The following SOX6 variants were observed in gnomAD, a reference collection of about 807,000 sequenced individuals.
SOX6 encodes the protein SRY-box transcription factor 6, also known as transcription factor SOX-6.
SOX6 carries 11 observed loss-of-function variants against 97.8 expected under a neutral mutation model. That is an observed-to-expected ratio of 0.11 (90% CI 0.07 to 0.19). The LOEUF (loss-of-function observed/expected upper bound fraction) is 0.19. SOX6 is among the 10% of genes least tolerant of loss of function. The probability of loss-of-function intolerance (pLI) is 1.00; values close to 1 mark genes in which losing one functional copy is unlikely to be tolerated. For synonymous variants in SOX6, 360 were observed against 371.4 expected, an observed-to-expected ratio of 0.97 and a Z score of 0.35; for missense variants, 810 against 1,039.5, an observed-to-expected ratio of 0.78 and a Z score of 3.04.
intron 1 of SOX6, among the ~76,000 whole-genome samples, chr11:16,380,927 G>A (rs573600760): frequency 2.6e-5 from 4 of 152,040 alleles, no homozygotes; most frequent in Admixed American, 2.0e-4. Context: ...CAAAAGTCCC[G>A]GCCCTGATTT....
intron 3 of SOX6, chr11:16,270,058 A>G (rs1854205650): frequency 6.6e-6 from 1 of 151,352 alleles, no homozygotes; most frequent in African/African-American, 2.4e-5. Flanking sequence ...TTAGAACTAG[A>G]GTATTTTGTC....
chr11:16,137,750 G>C (rs1043776189), intron 6 of SOX6, among the ~76,000 whole-genome samples: 1 of 150,422 alleles, frequency 6.6e-6, no homozygotes, highest in Non-Finnish European at 1.5e-5. Flanking sequence ...ATCCCTACGT[G>C]CCATGAGAGG....
chr11:16,396,609 C>T (rs1858365155), intron 1 of SOX6, among the ~76,000 whole-genome samples: 2 of 151,504 alleles, frequency 1.3e-5, no homozygotes, highest in African/African-American at 2.4e-5. Flanking sequence ...AATATGTTTC[C>T]TAACTTCTCC....
At chr11:16,214,167 TA>T (rs1202923619) in intron 4 of SOX6, among the ~76,000 whole-genome samples, 1 of 152,228 alleles carries the variant, frequency 6.6e-6, no homozygotes, top group Non-Finnish European at 1.5e-5. Flanking sequence ...ATTGATTAAG[TA>T]GCCACATGTG....
chr11:16,451,967 A>G (rs752370051), intron 1 of SOX6, among the ~76,000 whole-genome samples: 1 of 136,950 alleles, frequency 7.3e-6, no homozygotes, highest in Non-Finnish European at 1.6e-5. Context: ...TGGGTGACAG[A>G]GCAAGACCCT....
intron 4 of SOX6, among the ~76,000 whole-genome samples, chr11:16,521,440 C>G (rs979566231): frequency 4.0e-5 from 6 of 151,844 alleles, no homozygotes; most frequent in African/African-American, 1.5e-4. Flanking sequence ...AGAAAGAACA[C>G]TAACAAACAG....
intron 3 of SOX6, among the ~76,000 whole-genome samples, chr11:16,694,476 T>C (rs963831082): frequency 6.6e-6 from 1 of 152,170 alleles, no homozygotes; most frequent in African/African-American, 2.4e-5. Flanking sequence ...TGAGCTATGA[T>C]AGTGCCTCTG....
Position 16,593,948 on chromosome 11 carries a change from T to C in SOX6, n.609+18133A>G, listed in dbSNP as rs1259188955. On this transcript the variant is annotated intron_variant and non_coding_transcript_variant, in intron 4 of 5. Transcript: ENST00000524520. ...AATTCATGTACAATATAAAGGGGTA[T>C]ACTTTTTATATGCTCTATTTACACA... Among the ~76,000 whole-genome samples the C allele has an allele frequency of 5.9e-5, 9 of 152,226 alleles. No homozygotes were observed. The South Asian group carries it at 1.0e-3, about 18-fold the overall frequency.
At chr11:16,313,885 A>T (rs1053185230) in intron 3 of SOX6, 3 of 151,826 alleles carry the variant, frequency 2.0e-5, no homozygotes, top group African/African-American at 7.3e-5. Flanking sequence ...CTACACTTAA[A>T]CATTAACTCT....
chr11:16,267,080 A>G (rs1854102567), intron 3 of SOX6, among the ~76,000 whole-genome samples: 1 of 151,618 alleles, frequency 6.6e-6, no homozygotes, highest in African/African-American at 2.4e-5. Flanking sequence ...TTGAAACTAT[A>G]AAACTCCTAG....
At chr11:16,594,697 T>TTTG in intron 4 of SOX6, among the ~76,000 whole-genome samples, 1 of 130,220 alleles carries the variant, frequency 7.7e-6, no homozygotes, top group African/African-American at 2.9e-5. Flanking sequence ...TTTTTTTTTT[T>TTTG]TTTTTTTTTT....
At chr11:16,453,689 T>C (rs1223627711) in intron 1 of SOX6, among the ~76,000 whole-genome samples, 2 of 152,092 alleles carry the variant, frequency 1.3e-5, no homozygotes, top group Non-Finnish European at 2.9e-5. Context: ...GCTAAAAATA[T>C]TGGTAAAGAT....
chr11:16,217,913 T>C (rs959598218), intron 4 of SOX6, among the ~76,000 whole-genome samples: 3 of 152,144 alleles, frequency 2.0e-5, no homozygotes, highest in African/African-American at 7.2e-5. Context: ...TTATAACAGC[T>C]GCACTGCTGT....
intron 2 of SOX6, among the ~76,000 whole-genome samples, chr11:16,730,029 A>AATAT (rs34591978): frequency 0.64 from 90,603 of 142,274 alleles, 29,445 homozygotes; most frequent in Middle Eastern, 0.82. Context: ...AACTATCCTA[A>AATAT]ATATATATAT....
chr11:16,282,986 TGAGA>T (rs1192324770), intron 3 of SOX6, among the ~76,000 whole-genome samples: 2 of 144,232 alleles, frequency 1.4e-5, no homozygotes, highest in African/African-American at 2.5e-5. Context: ...ATTTATTTGG[TGAGA>T]GAGAGAAAGG....
At chr11:16,071,308 G>T (rs929712887) in intron 9 of SOX6, among the ~76,000 whole-genome samples, 48 of 152,302 alleles carry the variant, frequency 3.2e-4, no homozygotes, top group African/African-American at 1.1e-3. Context: ...CCCTCCACTG[G>T]TAGCCAGGCA....
chr11:16,649,839 A>G (rs915209377), intron 3 of SOX6, among the ~76,000 whole-genome samples: 1 of 152,116 alleles, frequency 6.6e-6, no homozygotes, highest in Non-Finnish European at 1.5e-5. Flanking sequence ...AATAGCAAAT[A>G]GCAGAATCGA....
chr11:16,139,217 C>G (rs1342522512), intron 6 of SOX6, among the ~76,000 whole-genome samples: 1 of 152,038 alleles, frequency 6.6e-6, no homozygotes, highest in Non-Finnish European at 1.5e-5. Flanking sequence ...CTACATTTTC[C>G]TAAGTACTGT....
intron 3 of SOX6, among the ~76,000 whole-genome samples, chr11:16,617,766 A>G (rs1241774722): frequency 1.3e-5 from 2 of 151,910 alleles, no homozygotes; most frequent in African/African-American, 4.8e-5. Flanking sequence ...TAGCAATTTA[A>G]TAAAGATTAC....
Sources: gnomAD v4.1 joint callset for allele counts (sites outside exome capture counted in the v4.1 genomes callset) on GRCh38, gnomAD v4.1.1 for gene constraint, MANE v1.5 for transcripts, NCBI Gene and HGNC (gene_info 2026-07-23, HGNC 2026-07-21) for gene names.